Variants in SPECC1 observed in about 807,000 individuals in gnomAD.
SPECC1 encodes the protein sperm antigen with calponin homology and coiled-coil domains 1, also known as cytospin-B.
Under a neutral mutation model 104.1 loss-of-function variants are expected in SPECC1, and 62 were observed. That is an observed-to-expected ratio of 0.60 (90% CI 0.49 to 0.74). The LOEUF is 0.74. Ranked by LOEUF, SPECC1 falls within the 30% of genes least tolerant of loss-of-function variation. The pLI is 0.00. For synonymous variants in SPECC1, 513 were observed against 501.6 expected (o/e 1.02, Z -0.30); for missense variants, 1,306 against 1,310.5 (o/e 1.00, Z 0.05).
chr17:20,119,084 A>G (rs2048901013), intron 3 of SPECC1, among the ~76,000 whole-genome samples: 1 of 152,246 alleles, frequency 6.6e-6, no homozygotes, highest in Non-Finnish European at 1.5e-5. Context: ...AGGTCTGTGA[A>G]TAATTTATAT....
intron 3 of SPECC1, among the ~76,000 whole-genome samples, chr17:20,123,692 C>A (rs1358620615): frequency 6.6e-6 from 1 of 152,218 alleles, no homozygotes; most frequent in Non-Finnish European, 1.5e-5. Context: ...TTTTCTGCTA[C>A]TCTGTTTGTC....
intron 3 of SPECC1, among the ~76,000 whole-genome samples, chr17:20,175,907 C>T (rs1329695339): frequency 6.6e-6 from 1 of 152,194 alleles, no homozygotes; most frequent in Non-Finnish European, 1.5e-5. Context: ...GGTGTGAATT[C>T]AACTACTCAT....
At chr17:20,295,838 A>G (rs948554205) in intron 12 of SPECC1, among the ~76,000 whole-genome samples, 1 of 152,202 alleles carries the variant, frequency 6.6e-6, no homozygotes, top group Non-Finnish European at 1.5e-5. Flanking sequence ...GTTTCTGTTC[A>G]TATCCTTTGC....
At chr17:20,306,376 T>C (rs2142159406) in intron 14 of SPECC1, among the ~76,000 whole-genome samples, 1 of 152,336 alleles carries the variant, frequency 6.6e-6, no homozygotes, top group South Asian at 2.1e-4. Context: ...TAAAATGCTA[T>C]GTTAAAAAAT....
At chr17:20,288,765 G>A (rs1162883521) in intron 12 of SPECC1, among the ~76,000 whole-genome samples, 1 of 147,132 alleles carries the variant, frequency 6.8e-6, no homozygotes, top group East Asian at 2.0e-4. Flanking sequence ...GAGGTGAAGG[G>A]CACTTCTTTT....
chr17:20,234,519 T>C (rs2151490018), intron 7 of SPECC1, among the ~76,000 whole-genome samples: 1 of 152,278 alleles, frequency 6.6e-6, no homozygotes, highest in East Asian at 1.9e-4. Context: ...CCCTCAAAGC[T>C]CCGGAAGCCA....
At chr17:20,192,344 T>C (rs1365530625) in intron 3 of SPECC1, among the ~76,000 whole-genome samples, 1 of 152,144 alleles carries the variant, frequency 6.6e-6, no homozygotes, top group Non-Finnish European at 1.5e-5. Context: ...ATCGGATATG[T>C]CTTTTGCACA....
intron 3 of SPECC1, among the ~76,000 whole-genome samples, chr17:20,168,249 T>C (rs1404329834): frequency 6.6e-6 from 1 of 152,132 alleles, no homozygotes; most frequent in Non-Finnish European, 1.5e-5. Context: ...AATCCAACCA[T>C]GCATTTAAAA....
intron 1 of SPECC1, among the ~76,000 whole-genome samples, chr17:20,016,632 C>T (rs1191817684): frequency 2.0e-5 from 3 of 152,232 alleles, no homozygotes; most frequent in East Asian, 1.9e-4. Flanking sequence ...CTGCTGTGCC[C>T]GATTTCTCGC....
At chr17:20,257,405 A>C in intron 10 of SPECC1, 46 bp from the exon 11 acceptor site, 13 of 1,530,252 alleles carry the variant, frequency 8.5e-6, no homozygotes, top group South Asian at 1.3e-5. Flanking sequence ...ATGGCAGTCA[A>C]GAGCTGCTTC....
At chr17:20,287,852 T>G (rs182706686) in intron 12 of SPECC1, among the ~76,000 whole-genome samples, 10 of 152,226 alleles carry the variant, frequency 6.6e-5, no homozygotes, top group African/African-American at 1.9e-4. Context: ...ATGTGCAGGT[T>G]TGTTACATAG....
chr17:20,243,462 T>A (rs2039289231), intron 7 of SPECC1, among the ~76,000 whole-genome samples: 1 of 152,198 alleles, frequency 6.6e-6, no homozygotes, highest in Non-Finnish European at 1.5e-5. Flanking sequence ...TCATTTATGA[T>A]TTAAGTACAT....
chr17:20,104,740 CAAAAAAAAAAAAAAAAA>C (rs745893309), intron 2 of SPECC1, among the ~76,000 whole-genome samples: 2 of 57,244 alleles, frequency 3.5e-5, no homozygotes, highest in South Asian at 9.3e-4. Flanking sequence ...GAGACTGTCT[CAAAAAAAAAAAAAAAAA>C]AAAAAAAAAG....
intron 1 of SPECC1, among the ~76,000 whole-genome samples, chr17:20,024,567 A>G (rs1425864791): frequency 3.9e-5 from 6 of 152,108 alleles, no homozygotes; most frequent in Non-Finnish European, 8.8e-5. Flanking sequence ...TCAGAGGGAG[A>G]TGATTCCTAC....
At position 20,193,405 on chromosome 17, in the gene SPECC1, A is replaced by G. The variant is rs144624608; in HGVS notation, c.284-10928A>G. On this transcript the variant is annotated intron_variant, in intron 3 of 14. Transcript: ENST00000395527. ...TCAAGATGGAGTTGTTCTGGTTCAC[A>G]TGCCTCTGACATTTCCCCCCTCCCT... Among the ~76,000 whole-genome samples the G allele has an allele frequency of 5.9e-3, 906 of 152,310 alleles. 3 individuals are homozygous for G. Among genetic ancestry groups the G allele is most frequent in the Middle Eastern group, 0.024 (7 of 294 alleles).
chr17:20,315,480 T>G lies in SPECC1; in HGVS notation c.*1415T>G, dbSNP rs1992562. ...GCGAGTGAGGGCGTGGCTCACACAG[T>G]TGTTTGAGGGAAATGGGTAATGCCC... On this transcript the variant is annotated 3_prime_UTR_variant, in exon 15 of 15. Transcript: ENST00000395527. The G allele has an allele frequency of 0.69, 161,266 of 232,440 alleles. 58,765 individuals carry two copies. Among genetic ancestry groups the G allele is most frequent in the East Asian group, 0.99 (16,329 of 16,490 alleles). The allele number at this position is 232,440 out of a possible 1,614,324, so 14.4% of individuals were successfully genotyped here. A position where few individuals can be genotyped will look rare whatever the true frequency, so the allele number is the denominator to read the frequency against.
intron 1 of SPECC1, among the ~76,000 whole-genome samples, chr17:20,022,964 G>A (rs931360310): frequency 1.3e-5 from 2 of 152,182 alleles, no homozygotes; most frequent in African/African-American, 4.8e-5. Context: ...TCTTTCAGCA[G>A]TAATGATTCA....
At chr17:20,032,968 AT>A (rs776295689) in intron 1 of SPECC1, among the ~76,000 whole-genome samples, 1,863 of 141,760 alleles carry the variant, frequency 0.013, 29 homozygotes, top group African/African-American at 0.038. Context: ...ATATATGTAT[AT>A]TTTTTTTTTT....
chr17:20,112,527 G>A, intron 3 of SPECC1: 4 of 775,344 alleles, frequency 5.2e-6, no homozygotes, highest in Non-Finnish European at 9.6e-6. Context: ...TTGGACCTTT[G>A]AAACATTAAC....
Sources: gnomAD v4.1 joint callset for allele counts (sites outside exome capture counted in the v4.1 genomes callset) on GRCh38, gnomAD v4.1.1 for gene constraint, MANE v1.5 for transcripts, NCBI Gene and HGNC (gene_info 2026-07-23, HGNC 2026-07-21) for gene names.